The following ROBO2 variants were observed in gnomAD, a reference collection of about 807,000 sequenced individuals.
The protein encoded by ROBO2 is roundabout homolog 2.
Under a neutral mutation model 160.8 loss-of-function variants are expected in ROBO2, and 53 were observed. The observed-to-expected ratio is 0.33, with a 90% CI of 0.26 to 0.41. The LOEUF is 0.41. Ranked by LOEUF, ROBO2 falls within the 10% of genes least tolerant of loss-of-function variation. ROBO2 has a pLI of 1.00. For synonymous variants in ROBO2, 664 were observed against 611.7 expected (o/e 1.09, Z -1.26); for missense variants, 1,577 against 1,722.4 (o/e 0.92, Z 1.49).
chr3:77,626,903 A>G (rs1189117669), intron 23 of ROBO2, among the ~76,000 whole-genome samples: 1 of 152,200 alleles, frequency 6.6e-6, no homozygotes, highest in Non-Finnish European at 1.5e-5. Context: ...ACAACAGATC[A>G]GTATGGAAAC....
intron 2 of ROBO2, among the ~76,000 whole-genome samples, chr3:76,863,221 G>A (rs1036335971): frequency 1.3e-4 from 20 of 152,084 alleles, no homozygotes; most frequent in African/African-American, 4.3e-4. Flanking sequence ...GTCCCTGTGG[G>A]TTTGTACAGG....
upstream of ROBO2, among the ~76,000 whole-genome samples, chr3:77,036,098 A>G (rs370267212): frequency 3.6e-4 from 55 of 152,042 alleles, 1 homozygote; most frequent in South Asian, 0.011. Flanking sequence ...CAAGTTCTTG[A>G]TAACATAGAC....
At chr3:76,991,757 A>G (rs544805399) in intron 2 of ROBO2, among the ~76,000 whole-genome samples, 1 of 152,324 alleles carries the variant, frequency 6.6e-6, no homozygotes, top group Non-Finnish European at 1.5e-5. Context: ...TAAGAAACCA[A>G]GTGAATACAT....
At chr3:77,361,055 T>C (rs1246403788) in intron 2 of ROBO2, among the ~76,000 whole-genome samples, 1 of 152,214 alleles carries the variant, frequency 6.6e-6, no homozygotes, top group African/African-American at 2.4e-5. Flanking sequence ...GGCATATCTA[T>C]TGGTAATTTT....
intron 2 of ROBO2, among the ~76,000 whole-genome samples, chr3:77,159,049 T>C (rs892483406): frequency 7.2e-5 from 11 of 152,128 alleles, no homozygotes; most frequent in Admixed American, 7.2e-4. Context: ...TAATTTCTTC[T>C]CTTCTTAGAT....
intron 2 of ROBO2, among the ~76,000 whole-genome samples, chr3:77,260,924 A>C (rs991312095): frequency 6.6e-6 from 1 of 152,218 alleles, no homozygotes; most frequent in East Asian, 1.9e-4. Flanking sequence ...TCAGACAAGG[A>C]ACATGAAGGA....
chr3:76,407,515 G>T (rs1319612139), intron 2 of ROBO2, among the ~76,000 whole-genome samples: 1 of 151,774 alleles, frequency 6.6e-6, no homozygotes, highest in Non-Finnish European at 1.5e-5. Context: ...CATAAAAATG[G>T]GAAAAAATAC....
chr3:77,124,532 G>A (rs2075129709), intron 2 of ROBO2, among the ~76,000 whole-genome samples: 1 of 152,098 alleles, frequency 6.6e-6, no homozygotes, highest in African/African-American at 2.4e-5. Context: ...AGGAACCTTT[G>A]AAAATGGACA....
chr3:77,487,733 G>T (rs913302782), intron 4 of ROBO2, among the ~76,000 whole-genome samples: 5 of 152,178 alleles, frequency 3.3e-5, no homozygotes, highest in African/African-American at 1.2e-4. Flanking sequence ...TTTACAAGCA[G>T]TGGTTAACTC....
chr3:77,190,201 G>A (rs73098056), intron 2 of ROBO2, among the ~76,000 whole-genome samples: 39,676 of 151,668 alleles, frequency 0.26, 5,462 homozygotes, highest in African/African-American at 0.32. Context: ...TATTAAACAT[G>A]GGTTGTATTC....
intron 1 of ROBO2, among the ~76,000 whole-genome samples, chr3:75,922,716 G>A (rs527781661): frequency 5.9e-5 from 9 of 152,044 alleles, no homozygotes; most frequent in African/African-American, 1.9e-4. Context: ...CATGTTATAA[G>A]TAAATATATA....
At chr3:76,607,752 A>C (rs957216326) in intron 2 of ROBO2, among the ~76,000 whole-genome samples, 1 of 152,150 alleles carries the variant, frequency 6.6e-6, no homozygotes, top group Non-Finnish European at 1.5e-5. Context: ...ATCACCTATC[A>C]CCCAGCAAAT....
intron 2 of ROBO2, among the ~76,000 whole-genome samples, chr3:77,455,295 A>C (rs1045903856): frequency 2.0e-5 from 3 of 152,216 alleles, no homozygotes; most frequent in Non-Finnish European, 4.4e-5. Flanking sequence ...ATCATTTACG[A>C]AAAACTTTTA....
intron 2 of ROBO2, among the ~76,000 whole-genome samples, chr3:77,403,396 C>G (rs2075982404): frequency 6.6e-6 from 1 of 152,104 alleles, no homozygotes; most frequent in Non-Finnish European, 1.5e-5. Flanking sequence ...TGTTAACCAC[C>G]ATTCTACTCT....
chr3:76,788,385 A>G (rs1244003209), intron 2 of ROBO2, among the ~76,000 whole-genome samples: 1 of 151,466 alleles, frequency 6.6e-6, no homozygotes, highest in Non-Finnish European at 1.5e-5. Context: ...TAGTGTTTAT[A>G]GTTCTTTTTA....
intron 2 of ROBO2, among the ~76,000 whole-genome samples, chr3:75,998,599 T>C (rs2065794559): frequency 6.6e-6 from 1 of 152,252 alleles, no homozygotes; most frequent in Non-Finnish European, 1.5e-5. Flanking sequence ...AATTTTGTTA[T>C]ATTTGAAGTC....
At chr3:76,695,291 A>G (rs1472455957) in intron 2 of ROBO2, among the ~76,000 whole-genome samples, 1 of 152,186 alleles carries the variant, frequency 6.6e-6, no homozygotes, top group African/African-American at 2.4e-5. Context: ...GATAGTGTAC[A>G]GAGGTCAGTG....
At chr3:77,223,167 G>T (rs1343644011) in intron 2 of ROBO2, among the ~76,000 whole-genome samples, 1 of 152,094 alleles carries the variant, frequency 6.6e-6, no homozygotes, top group African/African-American at 2.4e-5. Flanking sequence ...TAGTTATGAA[G>T]AATGACTCTA....
intron 2 of ROBO2, among the ~76,000 whole-genome samples, chr3:77,164,486 G>A (rs1179723594): frequency 1.4e-5 from 2 of 138,978 alleles, no homozygotes; most frequent in East Asian, 4.4e-4. Flanking sequence ...GGAGGGAGGT[G>A]GGGGGGTCAG....
Sources: allele counts gnomAD v4.1 joint callset (sites outside exome capture counted in the v4.1 genomes callset), GRCh38; gene constraint gnomAD v4.1.1; transcripts MANE v1.5; gene names NCBI Gene and HGNC (gene_info 2026-07-23, HGNC 2026-07-21).